Variants in NBAS observed in about 807,000 individuals in gnomAD.
NBAS encodes NAG/BC035112 fusion.
NBAS carries 219 observed loss-of-function variants against 302.5 expected under a neutral mutation model. The observed-to-expected ratio is 0.72, with a 90% CI of 0.65 to 0.81. NBAS has a LOEUF of 0.81. Among genes scored for constraint, NBAS ranks in the 30% least tolerant of loss-of-function variants. The probability of loss-of-function intolerance (pLI) is 0.00; values close to 1 mark genes in which losing one functional copy is unlikely to be tolerated. For missense variants in NBAS, 2,932 were observed against 2,841.6 expected (o/e 1.03, Z -0.72); for synonymous variants, 1,118 against 1,021.6 (o/e 1.09, Z -1.80).
Position 15,184,189 on chromosome 2 carries a change from G to T in NBAS, c.6711+2553C>A, listed in dbSNP as rs771063297. 5.3e-5 allele frequency among the ~76,000 whole-genome samples: 8 copies of T among 152,138 alleles called. No individual in the cohort carries two copies. The South Asian group carries it at 8.3e-4, about 16-fold the overall frequency. On this transcript the variant is annotated intron_variant, in intron 50 of 51. Transcript: ENST00000281513. ...TATGTCTAGGACTTATTCCCAGGCG[G>T]CTAAAAGATAGTACATATCAAGTGG...
chr2:14,993,885 C>G, the NBAS span, among the ~76,000 whole-genome samples: 1 of 152,170 alleles, frequency 6.6e-6, no homozygotes, highest in Non-Finnish European at 1.5e-5. Flanking sequence ...AACACCAACA[C>G]AGTTCCATTC....
chr2:15,381,272 A>AGTTT (rs2148377630), intron 29 of NBAS, among the ~76,000 whole-genome samples: 1 of 94,054 alleles, frequency 1.1e-5, no homozygotes, highest in South Asian at 3.1e-4. Flanking sequence ...ATGCCACTGA[A>AGTTT]CTTATTTTCC....
the NBAS span, among the ~76,000 whole-genome samples, chr2:15,023,915 A>G: frequency 2.6e-5 from 4 of 152,028 alleles, no homozygotes; most frequent in South Asian, 2.1e-4. Flanking sequence ...TTATTTTTAC[A>G]TATTCAAATA....
At chr2:14,955,359 C>A in the NBAS span, among the ~76,000 whole-genome samples, 1 of 152,198 alleles carries the variant, frequency 6.6e-6, no homozygotes, top group Admixed American at 6.5e-5. Flanking sequence ...GTGTCTGTGG[C>A]TTTTCCAGGC....
At chr2:15,225,554 TC>T (rs1300785252) in intron 47 of NBAS, among the ~76,000 whole-genome samples, 3 of 152,080 alleles carry the variant, frequency 2.0e-5, no homozygotes, top group African/African-American at 7.2e-5. Flanking sequence ...CAATGTGCAA[TC>T]CCTAGATAAC....
chr2:14,879,504 T>C, the NBAS span, among the ~76,000 whole-genome samples: 3 of 152,222 alleles, frequency 2.0e-5, no homozygotes, highest in East Asian at 3.9e-4. Flanking sequence ...TATTTTGATA[T>C]AATTTTGTGT....
At chr2:15,387,540 A>C (rs1675363843) in intron 28 of NBAS, among the ~76,000 whole-genome samples, 1 of 152,138 alleles carries the variant, frequency 6.6e-6, no homozygotes, top group Non-Finnish European at 1.5e-5. Context: ...CTTTTCACTC[A>C]CTTATTCTCA....
chr2:15,325,198 C>T (rs1454070337), intron 38 of NBAS, among the ~76,000 whole-genome samples: 1 of 152,164 alleles, frequency 6.6e-6, no homozygotes, highest in Non-Finnish European at 1.5e-5. Flanking sequence ...CTCATAGATA[C>T]TGTGAGTTTT....
chr2:15,463,380 A>G (rs1294653869), intron 19 of NBAS, among the ~76,000 whole-genome samples: 4 of 152,174 alleles, frequency 2.6e-5, no homozygotes, highest in Non-Finnish European at 4.4e-5. Context: ...TATCATCATC[A>G]AAAGACACTG....
the NBAS span, among the ~76,000 whole-genome samples, chr2:15,088,113 G>C: frequency 6.6e-6 from 1 of 152,172 alleles, no homozygotes; most frequent in Non-Finnish European, 1.5e-5. Flanking sequence ...AGAAGGAGAG[G>C]CTGGGTGGGC....
At chr2:15,028,466 C>T in the NBAS span, among the ~76,000 whole-genome samples, 531 of 152,306 alleles carry the variant, frequency 3.5e-3, 4 homozygotes, top group Non-Finnish European at 5.6e-3. Flanking sequence ...AAAGCTAGGG[C>T]ATTATTATCT....
intron 44 of NBAS, among the ~76,000 whole-genome samples, chr2:15,250,921 C>G (rs1668335437): frequency 6.6e-6 from 1 of 152,140 alleles, no homozygotes; most frequent in African/African-American, 2.4e-5. Flanking sequence ...GGATCTAGAA[C>G]TAGAAATACC....
At chr2:15,316,331 T>C (rs907786465) in intron 38 of NBAS, among the ~76,000 whole-genome samples, 2 of 152,168 alleles carry the variant, frequency 1.3e-5, no homozygotes, top group Admixed American at 1.3e-4. Context: ...GATTTCTGCA[T>C]TTCCAACTGA....
In NBAS at chr2:15,424,913, T is replaced by TAAAATAA. The variant is rs538393700; in HGVS notation, c.2424-446_2424-445insTTATTTT. ...TTGAATTAAGAAATCTTGTTTTCGA[T>TAAAATAA]GTTCATAAAAATAAGAGGAAATACA... On this transcript the variant is annotated intron_variant, in intron 22 of 51. Coordinates refer to ENST00000281513, the MANE Select transcript of NBAS (RefSeq NM_015909.4). Among the ~76,000 whole-genome samples, 6 of 152,294 alleles carry TAAAATAA rather than the reference T, an allele frequency of 3.9e-5. No individual in the cohort carries two copies. The East Asian group carries it at 1.2e-3, about 29-fold the overall frequency.
At chr2:15,122,187 T>A in the NBAS span, among the ~76,000 whole-genome samples, 1 of 151,884 alleles carries the variant, frequency 6.6e-6, no homozygotes, top group Non-Finnish European at 1.5e-5. Flanking sequence ...CGAGGCTGGA[T>A]AATTTATAAA....
intron 23 of NBAS, among the ~76,000 whole-genome samples, chr2:15,423,382 T>C (rs1298574590): frequency 1.3e-5 from 2 of 152,168 alleles, no homozygotes; most frequent in African/African-American, 4.8e-5. Context: ...GCTATGAATA[T>C]TATAAAATAG....
chr2:15,452,270 A>G (rs1679055862), intron 21 of NBAS, among the ~76,000 whole-genome samples: 1 of 152,198 alleles, frequency 6.6e-6, no homozygotes, highest in African/African-American at 2.4e-5. Flanking sequence ...TGTATTTTAC[A>G]ATTCAATATT....
chr2:14,981,657 C>T, the NBAS span, among the ~76,000 whole-genome samples: 9 of 152,170 alleles, frequency 5.9e-5, no homozygotes, highest in Admixed American at 1.3e-4. Context: ...ATGGGGCAGA[C>T]GTGACTTGTG....
intron 42 of NBAS, among the ~76,000 whole-genome samples, chr2:15,278,156 G>C (rs2148062921): frequency 6.6e-6 from 1 of 152,272 alleles, no homozygotes. Flanking sequence ...GATAAAGTTA[G>C]TATAAATCAT....
Sources: gnomAD v4.1 joint callset for allele counts (sites outside exome capture counted in the v4.1 genomes callset) on GRCh38, gnomAD v4.1.1 for gene constraint, MANE v1.5 for transcripts, NCBI Gene and HGNC (gene_info 2026-07-23, HGNC 2026-07-21) for gene names.